ACYP2: variants seen among roughly 807,000 people sequenced by gnomAD.
ACYP2 encodes the protein acylphosphatase-2.
In ACYP2, 12 loss-of-function variants were observed where a neutral mutation model predicts 11.2. The ratio of observed to expected loss-of-function variants is 1.08; its 90% CI spans 0.69 to 1.74. ACYP2 has a LOEUF of 1.74. ACYP2 is among the 40% of genes most tolerant of loss of function. The pLI, the probability that ACYP2 is intolerant of heterozygous loss-of-function variation, is 0.00. For missense variants in ACYP2, 134 were observed against 101.9 expected, an observed-to-expected ratio of 1.31 and a Z score of -1.35; for synonymous variants, 43 against 32.2, an observed-to-expected ratio of 1.33 and a Z score of -1.13.
chr2:54,255,594 C>A (rs771195486), intron 6 of ACYP2: 8 of 1,613,560 alleles, frequency 5.0e-6, no homozygotes. Context: ...CAGGCCCTGC[C>A]TCCCTGTTTA....
At chr2:54,160,050 C>A (rs886380780) in intron 6 of ACYP2, among the ~76,000 whole-genome samples, 1 of 152,176 alleles carries the variant, frequency 6.6e-6, no homozygotes, top group East Asian at 1.9e-4. Context: ...CCACCTCCCC[C>A]TCAAGAGAAT....
chr2:54,132,727 T>C (rs1422438144), intron 4 of ACYP2, among the ~76,000 whole-genome samples: 1 of 151,596 alleles, frequency 6.6e-6, no homozygotes, highest in African/African-American at 2.4e-5. Flanking sequence ...TCACCTTTTA[T>C]AGTGTACAAT....
chr2:54,113,382 A>G (rs962092912), intron 4 of ACYP2, among the ~76,000 whole-genome samples: 3 of 151,934 alleles, frequency 2.0e-5, no homozygotes, highest in African/African-American at 7.3e-5. Context: ...AGCTGGGACT[A>G]CAGGCACAGG....
chr2:54,246,747 G>A (rs749552730), intron 6 of ACYP2, among the ~76,000 whole-genome samples: 2 of 152,002 alleles, frequency 1.3e-5, no homozygotes, highest in Non-Finnish European at 2.9e-5. Context: ...AAGTAATGGT[G>A]GTGACAAATG....
intron 4 of ACYP2, among the ~76,000 whole-genome samples, chr2:54,086,084 C>T (rs1176363755): frequency 6.6e-6 from 1 of 152,124 alleles, no homozygotes; most frequent in Non-Finnish European, 1.5e-5. Flanking sequence ...GCTGGGATTA[C>T]AGGTGTGCAC....
intron 2 of ACYP2, among the ~76,000 whole-genome samples, chr2:54,000,206 G>C (rs1009664699): frequency 4.6e-5 from 7 of 152,022 alleles, no homozygotes; most frequent in African/African-American, 1.7e-4. Context: ...TTATAGTTTT[G>C]TCCCCACACC....
intron 6 of ACYP2, among the ~76,000 whole-genome samples, chr2:54,205,052 G>A (rs1685015009): frequency 6.8e-6 from 1 of 147,286 alleles, no homozygotes; most frequent in Admixed American, 6.9e-5. Context: ...CATTTTTATT[G>A]TTTCTTCCAT....
intron 6 of ACYP2, among the ~76,000 whole-genome samples, chr2:54,178,369 C>G (rs1014643178): frequency 3.3e-5 from 5 of 151,804 alleles, no homozygotes; most frequent in Non-Finnish European, 7.4e-5. Flanking sequence ...TCCAGTAGTG[C>G]TAAGAGATTT....
At chr2:54,290,591 A>G (rs1350306361) in intron 6 of ACYP2, among the ~76,000 whole-genome samples, 4 of 152,186 alleles carry the variant, frequency 2.6e-5, no homozygotes, top group African/African-American at 7.2e-5. Context: ...ACAAGGCTTA[A>G]GTGATGCCTA....
chr2:54,011,343 A>C (rs559435246), intron 2 of ACYP2, among the ~76,000 whole-genome samples: 1 of 152,174 alleles, frequency 6.6e-6, no homozygotes, highest in Non-Finnish European at 1.5e-5. Context: ...TTTTTGAATA[A>C]AACGTTCTCT....
At chr2:54,096,221 T>C (rs1356602365) in intron 4 of ACYP2, among the ~76,000 whole-genome samples, 19 of 146,708 alleles carry the variant, frequency 1.3e-4, no homozygotes, top group African/African-American at 4.7e-4. Flanking sequence ...GAGACGCTCC[T>C]CACCTCCCAG....
chr2:54,257,621 A>G (rs140133126), intron 6 of ACYP2, among the ~76,000 whole-genome samples: 3 of 152,336 alleles, frequency 2.0e-5, no homozygotes, highest in Non-Finnish European at 4.4e-5. Flanking sequence ...AAACAGGAGA[A>G]ATTTATGTAA....
chr2:54,256,245 C>T, intron 6 of ACYP2: 1 of 1,416,564 alleles, frequency 7.1e-7, no homozygotes, highest in Non-Finnish European at 9.6e-7. Flanking sequence ...AACACCTCGC[C>T]CATTTGCGCC....
In ACYP2 at chr2:54,284,059, C is replaced by T. The variant is rs188929778; in HGVS notation, c.405-20629C>T. On this transcript the variant is annotated intron_variant, in intron 6 of 6. Transcript: ENST00000607452. ...CCAGGAGGCGGAGGTTTCAGTGAGC[C>T]GAGATCGTGCCACTGCACTCCAGCC... Among the ~76,000 whole-genome samples, 188 of 152,250 alleles carry T rather than the reference C, an allele frequency of 1.2e-3. No individual in the cohort carries two copies. In the Middle Eastern group the frequency reaches 0.014, roughly 11 times the overall value.
At chr2:53,985,749 C>T (rs1160081745) in intron 2 of ACYP2, among the ~76,000 whole-genome samples, 1 of 152,092 alleles carries the variant, frequency 6.6e-6, no homozygotes. Flanking sequence ...GGGAGGATCC[C>T]TCATGAATGG....
At chr2:54,300,269 TGAGA>T (rs1689671909) in intron 6 of ACYP2, among the ~76,000 whole-genome samples, 1 of 152,208 alleles carries the variant, frequency 6.6e-6, no homozygotes, top group South Asian at 2.1e-4. Flanking sequence ...TGCCTACTTA[TGAGA>T]GTATGTGTAG....
At chr2:54,070,732 ATT>A (rs11368576) in intron 4 of ACYP2, among the ~76,000 whole-genome samples, 14,121 of 136,908 alleles carry the variant, frequency 0.1, 731 homozygotes, top group East Asian at 0.28. Context: ...AAGCTATTCC[ATT>A]TTTTTTTTTT....
intron 2 of ACYP2, among the ~76,000 whole-genome samples, chr2:54,023,876 G>A (rs1333869627): frequency 6.6e-6 from 1 of 152,134 alleles, no homozygotes; most frequent in Non-Finnish European, 1.5e-5. Flanking sequence ...ATTCAAAGAA[G>A]AAGTGGTACC....
At chr2:53,980,971 C>T (rs1432806907) in intron 2 of ACYP2, among the ~76,000 whole-genome samples, 4 of 152,064 alleles carry the variant, frequency 2.6e-5, no homozygotes, top group Non-Finnish European at 2.9e-5. Context: ...AACGTGGTCT[C>T]GAACTCCTGG....
Sources: allele counts gnomAD v4.1 joint callset (sites outside exome capture counted in the v4.1 genomes callset), GRCh38; gene constraint gnomAD v4.1.1; transcripts MANE v1.5; gene names NCBI Gene and HGNC (gene_info 2026-07-23, HGNC 2026-07-21).